Variants in MDGA2 observed in about 807,000 individuals in gnomAD.
The protein encoded by MDGA2 is MAM domain containing glycosylphosphatidylinositol anchor 2.
MDGA2 carries 40 observed loss-of-function variants against 117.8 expected under a neutral mutation model. The observed-to-expected ratio is 0.34, with a 90% CI of 0.26 to 0.44. The LOEUF is 0.44. Among genes scored for constraint, MDGA2 ranks in the 20% least tolerant of loss-of-function variants. MDGA2 has a pLI of 1.00. For synonymous variants in MDGA2, 452 were observed against 439.0 expected (o/e 1.03, Z -0.37); for missense variants, 1,123 against 1,250.6 (o/e 0.90, Z 1.54).
intron 6 of MDGA2, among the ~76,000 whole-genome samples, chr14:47,072,041 A>G (rs1255226336): frequency 7.4e-6 from 1 of 134,902 alleles, no homozygotes; most frequent in African/African-American, 2.8e-5. Context: ...ATTAAACAAG[A>G]GTGAATACAA....
chr14:47,186,042 G>A (rs1472135025), intron 3 of MDGA2, among the ~76,000 whole-genome samples: 1 of 151,184 alleles, frequency 6.6e-6, no homozygotes, highest in African/African-American at 2.4e-5. Context: ...TACTCATTTA[G>A]ATAAAAAAGA....
chr14:47,641,928 G>C (rs1897432755), intron 1 of MDGA2, among the ~76,000 whole-genome samples: 1 of 152,008 alleles, frequency 6.6e-6, no homozygotes, highest in Non-Finnish European at 1.5e-5. Context: ...GGAGAGTGAA[G>C]GGGAAAGAAG....
intron 1 of MDGA2, among the ~76,000 whole-genome samples, chr14:47,560,051 A>T (rs971541921): frequency 4.7e-5 from 7 of 150,358 alleles, no homozygotes; most frequent in Non-Finnish European, 1.0e-4. Context: ...CTGCAACCTC[A>T]CTGGCATCTG....
intron 2 of MDGA2, among the ~76,000 whole-genome samples, chr14:47,257,553 G>T (rs1887663830): frequency 6.6e-6 from 1 of 152,078 alleles, no homozygotes; most frequent in South Asian, 2.1e-4. Context: ...GACAGGAATT[G>T]GCATCATTTT....
At chr14:47,075,339 GTAAGTTGTCA>G (rs1890452152) in intron 6 of MDGA2, among the ~76,000 whole-genome samples, 1 of 152,160 alleles carries the variant, frequency 6.6e-6, no homozygotes, top group Non-Finnish European at 1.5e-5. Flanking sequence ...CTTCCACAAA[GTAAGTTGTCA>G]CAGCACTTAG....
At chr14:47,565,578 C>A (rs1225243035) in intron 1 of MDGA2, among the ~76,000 whole-genome samples, 1 of 152,188 alleles carries the variant, frequency 6.6e-6, no homozygotes, top group African/African-American at 2.4e-5. Context: ...AGACAAAGTT[C>A]TTTGTTGAGT....
intron 1 of MDGA2, among the ~76,000 whole-genome samples, chr14:47,556,163 T>A (rs1410529716): frequency 1.3e-5 from 2 of 152,164 alleles, no homozygotes; most frequent in Non-Finnish European, 2.9e-5. Context: ...AGGTTGTGCC[T>A]GGCTTCTAAG....
intron 1 of MDGA2, among the ~76,000 whole-genome samples, chr14:47,474,336 A>G (rs10142163): frequency 0.46 from 69,454 of 151,966 alleles, 16,086 homozygotes; most frequent in East Asian, 0.61. Context: ...CAGAGAGGAC[A>G]CAAGCAAATG....
At chr14:47,506,974 A>C (rs566258185) in intron 1 of MDGA2, among the ~76,000 whole-genome samples, 2 of 151,756 alleles carry the variant, frequency 1.3e-5, no homozygotes, top group Non-Finnish European at 2.9e-5. Flanking sequence ...TAGTGGAAGA[A>C]GAGACAAAAA....
chr14:47,390,600 C>T (rs777650759), intron 1 of MDGA2, among the ~76,000 whole-genome samples: 1 of 152,276 alleles, frequency 6.6e-6, no homozygotes, highest in South Asian at 2.1e-4. Flanking sequence ...CTTGGGAACA[C>T]GTAGGAAATG....
At chr14:47,118,969 C>T (rs945052927) in intron 5 of MDGA2, among the ~76,000 whole-genome samples, 1 of 152,048 alleles carries the variant, frequency 6.6e-6, no homozygotes, top group Non-Finnish European at 1.5e-5. Context: ...AACTCCCAGC[C>T]TTGAGCAATC....
intron 4 of MDGA2, among the ~76,000 whole-genome samples, chr14:47,141,737 A>C (rs1882727449): frequency 6.6e-6 from 1 of 152,170 alleles, no homozygotes; most frequent in African/African-American, 2.4e-5. Flanking sequence ...TAGAAGGGAG[A>C]ATAGAGAGAG....
chr14:47,116,157 AT>A (rs1180140857), intron 5 of MDGA2, among the ~76,000 whole-genome samples: 1 of 152,008 alleles, frequency 6.6e-6, no homozygotes, highest in Non-Finnish European at 1.5e-5. Context: ...AAACAATCAC[AT>A]TTACAATAAC....
chr14:47,517,744 A>AG (rs1894784561), intron 1 of MDGA2, among the ~76,000 whole-genome samples: 1 of 152,174 alleles, frequency 6.6e-6, no homozygotes, highest in Non-Finnish European at 1.5e-5. Context: ...ATCATGAAGA[A>AG]TAGCTTATAC....
chr14:47,349,690 T>G (rs1452397155), intron 1 of MDGA2, among the ~76,000 whole-genome samples: 2 of 152,242 alleles, frequency 1.3e-5, no homozygotes, highest in African/African-American at 2.4e-5. Context: ...AGAAAAGATC[T>G]TACCTTCTAA....
In MDGA2 at chr14:47,619,961, G is replaced by T. The variant is rs150069727; in HGVS notation, c.280+54556C>A. 2.5e-3 allele frequency among the ~76,000 whole-genome samples: 385 copies of T among 152,282 alleles called. 1 individual carries two copies. Among genetic ancestry groups the T allele is most frequent in the African/African-American group, 8.7e-3 (361 of 41,562 alleles). ...AGCACACAGCCATCCACTTGATTCC[G>T]ATGGCTCAAACTTTCCTTCACATCT... On this transcript the variant is annotated intron_variant, in intron 1 of 16. Transcript: ENST00000399232.
chr14:47,657,637 C>T (rs142444734), intron 1 of MDGA2, among the ~76,000 whole-genome samples: 120 of 152,224 alleles, frequency 7.9e-4, no homozygotes, highest in Non-Finnish European at 9.9e-4. Flanking sequence ...TACAGTGCCC[C>T]ATAAAACACA....
intron 8 of MDGA2, among the ~76,000 whole-genome samples, chr14:46,963,516 C>G (rs1355541559): frequency 2.0e-5 from 3 of 152,206 alleles, no homozygotes; most frequent in Non-Finnish European, 4.4e-5. Context: ...GTCCCAAACA[C>G]ATAAGTTTTC....
rs141688018 is a variant in MDGA2, at chr14:47,230,582, C to G, written c.421-12387G>C. ...CAATTCCTATCGGTACATTTTCAAT[C>G]TTATGGACAAATTTTTACCTCATAT... On this transcript the variant is annotated intron_variant, in intron 2 of 16. Transcript: ENST00000399232. Among the ~76,000 whole-genome samples the G allele has an allele frequency of 6.6e-5, 10 of 152,048 alleles. No homozygotes were observed. The East Asian group carries it at 1.9e-3, about 29-fold the overall frequency.
Sources: gnomAD v4.1 joint callset for allele counts (sites outside exome capture counted in the v4.1 genomes callset) on GRCh38, gnomAD v4.1.1 for gene constraint, MANE v1.5 for transcripts, NCBI Gene and HGNC (gene_info 2026-07-23, HGNC 2026-07-21) for gene names.